Variants in MTUS2 observed in about 807,000 individuals in gnomAD.
MTUS2 encodes microtubule associated scaffold protein 2, also known as microtubule-associated tumor suppressor candidate 2.
MTUS2 carries 40 observed loss-of-function variants against 114.1 expected under a neutral mutation model. That is an observed-to-expected ratio of 0.35 (90% confidence interval 0.27 to 0.46). MTUS2 has a LOEUF of 0.46. Among genes scored for constraint, MTUS2 ranks in the 20% least tolerant of loss-of-function variants. The pLI, the probability that MTUS2 is intolerant of heterozygous loss-of-function variation, is 1.00. For missense variants in MTUS2, 1,679 were observed against 1,705.4 expected, an observed-to-expected ratio of 0.98 and a Z score of 0.27; for synonymous variants, 688 against 672.0, an observed-to-expected ratio of 1.02 and a Z score of -0.37.
chr13:29,450,940 T>C (rs1878641345), intron 9 of MTUS2, among the ~76,000 whole-genome samples: 2 of 152,040 alleles, frequency 1.3e-5, no homozygotes, highest in African/African-American at 4.8e-5. Context: ...TCAAAACACA[T>C]GAAGCAAAAA....
chr13:28,985,904 C>T (rs1367358341), intron 2 of MTUS2, among the ~76,000 whole-genome samples: 1 of 152,174 alleles, frequency 6.6e-6, no homozygotes, highest in East Asian at 1.9e-4. Context: ...ATTAGCTCTT[C>T]CCTGGTTTCC....
chr13:28,912,660 C>G (rs777484559), intron 2 of MTUS2, among the ~76,000 whole-genome samples: 1 of 151,946 alleles, frequency 6.6e-6, no homozygotes, highest in Non-Finnish European at 1.5e-5. Flanking sequence ...GATTGTTTTT[C>G]CATTTGTTTG....
chr13:29,402,927 A>T (rs900459820), intron 8 of MTUS2, among the ~76,000 whole-genome samples: 1 of 151,988 alleles, frequency 6.6e-6, no homozygotes, highest in Admixed American at 6.6e-5. Context: ...AGTAGAGATG[A>T]GGTTTCACCA....
intron 9 of MTUS2, among the ~76,000 whole-genome samples, chr13:29,456,042 A>G (rs928442721): frequency 6.6e-6 from 1 of 152,204 alleles, no homozygotes; most frequent in Non-Finnish European, 1.5e-5. Context: ...GAAATGCTCC[A>G]GATGTTGTAA....
chr13:29,334,857 C>G (rs1485795980), intron 7 of MTUS2, among the ~76,000 whole-genome samples: 2 of 152,216 alleles, frequency 1.3e-5, no homozygotes, highest in African/African-American at 4.8e-5. Context: ...AATCAATACT[C>G]TTGTGATTTC....
chr13:29,076,598 C>T (rs1332345276), intron 4 of MTUS2, among the ~76,000 whole-genome samples: 2 of 152,152 alleles, frequency 1.3e-5, no homozygotes, highest in Non-Finnish European at 2.9e-5. Flanking sequence ...GTTGGCAGGC[C>T]TCAGTTCCTC....
intron 5 of MTUS2, among the ~76,000 whole-genome samples, chr13:29,139,481 T>TC (rs942883579): frequency 6.6e-6 from 1 of 152,184 alleles, no homozygotes; most frequent in African/African-American, 2.4e-5. Context: ...ACTATTCATT[T>TC]CCCCCCATTT....
intron 2 of MTUS2, among the ~76,000 whole-genome samples, chr13:28,846,202 A>T (rs566327489): frequency 6.6e-6 from 1 of 152,172 alleles, no homozygotes; most frequent in South Asian, 2.1e-4. Context: ...CTAGTTTGTT[A>T]ATGAACGAAC....
chr13:29,244,948 T>G (rs1365147767), intron 5 of MTUS2, among the ~76,000 whole-genome samples: 1 of 55,700 alleles, frequency 1.8e-5, no homozygotes. Flanking sequence ...AGAGCGAGAC[T>G]CCGTCTCAAA....
intron 7 of MTUS2, among the ~76,000 whole-genome samples, chr13:29,346,746 C>T (rs1868735360): frequency 6.8e-6 from 1 of 146,132 alleles, no homozygotes; most frequent in Non-Finnish European, 1.5e-5. Context: ...TCCCTGTGGT[C>T]TTTCCCCAAT....
At chr13:28,950,465 A>AT (rs1324884263) in intron 2 of MTUS2, among the ~76,000 whole-genome samples, 2 of 152,112 alleles carry the variant, frequency 1.3e-5, no homozygotes, top group Non-Finnish European at 2.9e-5. Context: ...AGATTTACCT[A>AT]TTTTTACCTT....
intron 5 of MTUS2, among the ~76,000 whole-genome samples, chr13:29,264,317 C>T (rs559206961): frequency 1.0e-3 from 152 of 152,344 alleles, no homozygotes; most frequent in Non-Finnish European, 2.0e-3. Context: ...GTTTAGTCTC[C>T]AAGGCTGCTC....
chr13:29,393,939 A>G (rs930407935), intron 8 of MTUS2, among the ~76,000 whole-genome samples: 8 of 152,168 alleles, frequency 5.3e-5, no homozygotes, highest in African/African-American at 1.9e-4. Flanking sequence ...AGGCAATCAG[A>G]TATGCATGTA....
chr13:28,998,143 C>T (rs1167417198), intron 2 of MTUS2, among the ~76,000 whole-genome samples: 2 of 151,970 alleles, frequency 1.3e-5, no homozygotes, highest in African/African-American at 4.8e-5. Context: ...TTCTCCTTCA[C>T]TTATGAAGCT....
At chr13:29,223,486 C>T (rs919979246) in intron 5 of MTUS2, among the ~76,000 whole-genome samples, 1 of 152,208 alleles carries the variant, frequency 6.6e-6, no homozygotes, top group Non-Finnish European at 1.5e-5. Flanking sequence ...CACTGCAGGT[C>T]TCCCCTCTGC....
At position 29,274,756 on chromosome 13, in the gene MTUS2, G is replaced by T. The variant is rs183551621; in HGVS notation, c.2645-6948G>T. Among the ~76,000 whole-genome samples the T allele has an allele frequency of 2.7e-3, 407 of 152,126 alleles. 1 individual carries two copies. The highest frequency in any genetic ancestry group is 4.6e-3 in the Non-Finnish European group (316 of 68,000). On this transcript the variant is annotated intron_variant, in intron 5 of 15. Coordinates refer to ENST00000612955, the MANE Select transcript of MTUS2 (RefSeq NM_001033602.4). ...AAATTCTTTTTGTTTTTGAAATGGG[G>T]TCTCACTTTATCACCCAGGCTGGAG... is the stretch of plus-strand genomic sequence containing the variant.
chr13:28,962,967 A>G (rs1883397687), intron 2 of MTUS2, among the ~76,000 whole-genome samples: 1 of 151,976 alleles, frequency 6.6e-6, no homozygotes, highest in Non-Finnish European at 1.5e-5. Flanking sequence ...CTACTCTATC[A>G]TTTCCAAACA....
chr13:29,049,499 G>T (rs2479772), intron 4 of MTUS2, among the ~76,000 whole-genome samples: 2 of 152,190 alleles, frequency 1.3e-5, no homozygotes, highest in Non-Finnish European at 2.9e-5. Flanking sequence ...CTAGAGACTG[G>T]CCATTAAAGG....
At chr13:28,874,250 C>T (rs1216852942) in intron 2 of MTUS2, among the ~76,000 whole-genome samples, 1 of 152,146 alleles carries the variant, frequency 6.6e-6, no homozygotes, top group East Asian at 1.9e-4. Context: ...ATCTGCCCCC[C>T]TCGGCCTCCC....
Sources: allele counts gnomAD v4.1 joint callset (sites outside exome capture counted in the v4.1 genomes callset), GRCh38; gene constraint gnomAD v4.1.1; transcripts MANE v1.5; gene names NCBI Gene and HGNC (gene_info 2026-07-23, HGNC 2026-07-21).